The following C10orf90 variants were observed in gnomAD, a reference collection of about 807,000 sequenced individuals.
C10orf90 encodes (E2-independent) E3 ubiquitin-conjugating enzyme FATS.
A neutral mutation model predicts 62.5 loss-of-function variants in C10orf90; 56 were observed. The observed-to-expected ratio is 0.90, with a 90% confidence interval of 0.72 to 1.12. The LOEUF is 1.12. C10orf90 is among the 50% of genes most tolerant of loss of function. C10orf90 has a pLI of 0.00. For missense variants in C10orf90, 970 were observed against 880.4 expected, an observed-to-expected ratio of 1.10 and a Z score of -1.29; for synonymous variants, 386 against 340.4, an observed-to-expected ratio of 1.13 and a Z score of -1.47.
At chr10:126,575,671 C>T (rs1051908448) in intron 2 of C10orf90, among the ~76,000 whole-genome samples, 1 of 151,968 alleles carries the variant, frequency 6.6e-6, no homozygotes, top group East Asian at 1.9e-4. Flanking sequence ...GACTATGGTA[C>T]CTCAAAATAT....
Position 126,504,143 on chromosome 10 carries a change from C to G in C10orf90, c.1348G>C (p.Val450Leu). The G allele has an allele frequency of 6.2e-7, 1 of 1,614,126 alleles. No homozygotes were observed. Among genetic ancestry groups the G allele is most frequent in the Non-Finnish European group, 8.5e-7 (1 of 1,180,010 alleles). ...HLKETPSLRR[V>L]HLGTGACPWS... ...GGACAAGCGCCGGTCCCCAAATGCA[C>G]CCGCCTCAACGATGGGGTTTCCTTC... The change falls in exon 4 of 10, where the codon GTG (valine) becomes CTG (leucine). Residue 450 changes from valine to leucine, a missense_variant. Transcript: ENST00000488181. This position sits in a 1 kb window ranked among gnomAD's most constrained non-coding sequence, Gnocchi z 4.1.
chr10:126,643,879 C>T (rs917933507), intron 2 of C10orf90, among the ~76,000 whole-genome samples: 3 of 152,314 alleles, frequency 2.0e-5, no homozygotes, highest in Middle Eastern at 3.4e-3. Context: ...AGCTAAACTC[C>T]CTGTTCTTTC....
chr10:126,641,353 T>G (rs143468541), intron 2 of C10orf90, among the ~76,000 whole-genome samples: 210 of 152,230 alleles, frequency 1.4e-3, no homozygotes, highest in African/African-American at 4.7e-3. Flanking sequence ...AGAACAATCA[T>G]CCTCAAGTTT....
chr10:126,532,654 G>A (rs1468030993), intron 2 of C10orf90, among the ~76,000 whole-genome samples: 3 of 151,080 alleles, frequency 2.0e-5, no homozygotes. Context: ...TGGCTAACAC[G>A]GTGAAACCCC....
intron 2 of C10orf90, among the ~76,000 whole-genome samples, chr10:126,596,264 C>T (rs1031282754): frequency 6.6e-6 from 1 of 151,752 alleles, no homozygotes; most frequent in Non-Finnish European, 1.5e-5. Context: ...GATTGCTCCA[C>T]CGCACTCCAG....
chr10:126,477,789 C>T (rs1470344756), intron 4 of C10orf90, among the ~76,000 whole-genome samples: 2 of 152,158 alleles, frequency 1.3e-5, no homozygotes, highest in Admixed American at 1.3e-4. Flanking sequence ...GCAGCTCTGC[C>T]ATACATACAA....
intron 2 of C10orf90, among the ~76,000 whole-genome samples, chr10:126,634,784 A>G (rs1845916714): frequency 6.6e-6 from 1 of 152,232 alleles, no homozygotes; most frequent in Admixed American, 6.5e-5. Context: ...TCATGGTCAC[A>G]GCATGAACCG....
At chr10:126,667,351 C>A (rs1591186946) in intron 1 of C10orf90, among the ~76,000 whole-genome samples, 1 of 152,102 alleles carries the variant, frequency 6.6e-6, no homozygotes, top group Non-Finnish European at 1.5e-5. Context: ...AGCCACCACA[C>A]CCAGCTGACT....
intron 2 of C10orf90, among the ~76,000 whole-genome samples, chr10:126,545,137 C>T (rs1864462037): frequency 6.6e-6 from 1 of 152,156 alleles, no homozygotes; most frequent in African/African-American, 2.4e-5. Flanking sequence ...CCTCCTAACA[C>T]CCTTGTTCGA....
intron 2 of C10orf90, among the ~76,000 whole-genome samples, chr10:126,553,818 G>C (rs952389862): frequency 6.6e-6 from 1 of 152,156 alleles, no homozygotes; most frequent in Non-Finnish European, 1.5e-5. Context: ...ATGTATGACT[G>C]TAAGACAGAA....
intron 2 of C10orf90, among the ~76,000 whole-genome samples, chr10:126,601,342 C>G (rs923521969): frequency 3.9e-5 from 6 of 152,176 alleles, no homozygotes; most frequent in Non-Finnish European, 8.8e-5. Context: ...TGTAACTGCT[C>G]TTGCCCCCAA....
At chr10:126,645,189 C>T (rs982195710) in intron 2 of C10orf90, among the ~76,000 whole-genome samples, 1 of 148,872 alleles carries the variant, frequency 6.7e-6, no homozygotes, top group African/African-American at 2.5e-5. Context: ...TGCAGCGCAC[C>T]AGCATGGCAC....
At chr10:126,558,137 C>G (rs1591096313) in intron 2 of C10orf90, among the ~76,000 whole-genome samples, 1 of 152,110 alleles carries the variant, frequency 6.6e-6, no homozygotes, top group Non-Finnish European at 1.5e-5. Context: ...TGCCTCAGTC[C>G]AAGTTCACCT....
intron 2 of C10orf90, among the ~76,000 whole-genome samples, chr10:126,533,195 A>G (rs1299954528): frequency 6.6e-6 from 1 of 151,924 alleles, no homozygotes; most frequent in Non-Finnish European, 1.5e-5. Flanking sequence ...CGGCCTCCCA[A>G]AGTGCTGGGA....
chr10:126,666,737 G>A (rs966726218), intron 1 of C10orf90, among the ~76,000 whole-genome samples: 1 of 152,126 alleles, frequency 6.6e-6, no homozygotes, highest in South Asian at 2.1e-4. Context: ...CCAGCACTTT[G>A]GGAGATCAAG....
At chr10:126,619,619 C>G (rs1487520786) in intron 2 of C10orf90, among the ~76,000 whole-genome samples, 1 of 152,066 alleles carries the variant, frequency 6.6e-6, no homozygotes, top group African/African-American at 2.4e-5. Flanking sequence ...CTTTTAAAAA[C>G]TTGGTTGTTT....
At chr10:126,617,384 G>C (rs1223500978) in intron 2 of C10orf90, among the ~76,000 whole-genome samples, 1 of 152,194 alleles carries the variant, frequency 6.6e-6, no homozygotes, top group African/African-American at 2.4e-5. Context: ...GTGTCCCACA[G>C]CAAGATGACA....
At chr10:126,650,576 T>C (rs1846272001) in intron 1 of C10orf90, among the ~76,000 whole-genome samples, 1 of 152,086 alleles carries the variant, frequency 6.6e-6, no homozygotes. Flanking sequence ...GACCCCACAT[T>C]GGAACCCATG....
In C10orf90 at chr10:126,504,242, T is replaced by C. The variant is rs765627702; in HGVS notation, c.1249A>G (p.Lys417Glu). Reference protein sequence around the residue: ...VNREPISEALKQELLEGDQDL... With the variant: ...VNREPISEALEQELLEGDQDL... ...TGGTCTCCCTCCAGGAGCTCCTGCT[T>C]CAGGGCTTCGCTTATTGGCTCTCTG... The change falls in exon 4 of 10, where the codon AAG (lysine) becomes GAG (glutamate). Residue 417 changes from lysine (K) to glutamate (E), a missense_variant. Coordinates refer to ENST00000488181, the MANE Select transcript of C10orf90 (RefSeq NM_001350921.2). The surrounding 1 kb of genome is among the most constrained non-coding windows in gnomAD (Gnocchi z 4.1). 6.2e-7 allele frequency: 1 copy of C among 1,614,174 alleles called. No individual in the cohort carries two copies. Among genetic ancestry groups the C allele is most frequent in the Admixed American group, 1.7e-5 (1 of 60,030 alleles).
Sources: allele counts gnomAD v4.1 joint callset (sites outside exome capture counted in the v4.1 genomes callset), GRCh38; gene constraint gnomAD v4.1.1; non-coding constraint Gnocchi (gnomAD v3.1); transcripts MANE v1.5; gene names NCBI Gene and HGNC (gene_info 2026-07-23, HGNC 2026-07-21).